The following TLCD4 variants were observed in gnomAD, a reference collection of about 807,000 sequenced individuals.
TLCD4 encodes TLC domain-containing protein 4.
Under a neutral mutation model 24.2 loss-of-function variants are expected in TLCD4, and 7 were observed. The ratio of observed to expected loss-of-function variants is 0.29; its 90% CI spans 0.16 to 0.54. TLCD4 has a LOEUF of 0.54. Among genes scored for constraint, TLCD4 ranks in the 20% least tolerant of loss-of-function variants. TLCD4 has a pLI of 0.95. For synonymous variants in TLCD4, 103 were observed against 106.4 expected (o/e 0.97, Z 0.20); for missense variants, 259 against 313.9 (o/e 0.82, Z 1.32).
At chr1:95,186,013 T>C (rs1473057752) in intron 6 of TLCD4, among the ~76,000 whole-genome samples, 1 of 152,164 alleles carries the variant, frequency 6.6e-6, no homozygotes, top group African/African-American at 2.4e-5. Context: ...TGGAGTGAAA[T>C]GAAAGGACTG....
Position 95,197,181 on chromosome 1 carries a change from A to T in TLCD4, c.*5313A>T, listed in dbSNP as rs1302119537. ...TAATTTATTTCCATAAGGCTGAAGA[A>T]CTTTTATTTACAAAATGTAAGACTA... On this transcript the variant is annotated 3_prime_UTR_variant, in exon 7 of 7. Coordinates refer to ENST00000370203, the MANE Select transcript of TLCD4 (RefSeq NM_152487.3). The T allele has an allele frequency of 6.6e-6, 1 of 152,182 alleles. No individual in the cohort carries two copies. The highest frequency in any genetic ancestry group is 1.9e-4 in the East Asian group (1 of 5,202). 9.4% of individuals were successfully genotyped at this position (152,182 alleles called of 1,614,324 possible). A position where few individuals can be genotyped will look rare whatever the true frequency, so the allele number is the denominator to read the frequency against.
chr1:95,152,146 T>C (rs545021942), intron 5 of TLCD4, among the ~76,000 whole-genome samples: 13 of 152,176 alleles, frequency 8.5e-5, no homozygotes, highest in Admixed American at 5.9e-4. Context: ...TCTTTTAAAG[T>C]GAATCTATTC....
intron 1 of TLCD4, among the ~76,000 whole-genome samples, chr1:95,129,732 A>G (rs1369749826): frequency 6.6e-6 from 1 of 152,162 alleles, no homozygotes; most frequent in Non-Finnish European, 1.5e-5. Flanking sequence ...ACAGAGTGAG[A>G]TTCTGTGTCA....
At position 95,164,970 on chromosome 1, in the gene TLCD4, A is replaced by G. The variant is rs969349717; in HGVS notation, c.400-8846A>G. 2.0e-5 allele frequency: 3 copies of G among 152,116 alleles called. No individual in the cohort carries two copies. The East Asian group carries it at 5.8e-4, about 29-fold the overall frequency. The allele number at this position is 152,116 out of a possible 1,614,324, so 9.4% of individuals were successfully genotyped here. ...CATATTTGAGTAGCTTCATATCCTC[A>G]AGGATACTACTCCATCTCTGCAACC... On this transcript the variant is annotated intron_variant, in intron 5 of 6. Coordinates refer to ENST00000370203, the MANE Select transcript of TLCD4 (RefSeq NM_152487.3).
At chr1:95,153,131 T>A (rs1452428103) in intron 5 of TLCD4, among the ~76,000 whole-genome samples, 1 of 151,978 alleles carries the variant, frequency 6.6e-6, no homozygotes, top group Non-Finnish European at 1.5e-5. Context: ...AGTGGTGTGA[T>A]CCTGGCTGGG....
chr1:95,123,910 A>G (rs1676639706), intron 1 of TLCD4, among the ~76,000 whole-genome samples: 1 of 152,220 alleles, frequency 6.6e-6, no homozygotes, highest in South Asian at 2.1e-4. Context: ...TCATTGGCAT[A>G]CTGCTTATTT....
chr1:95,099,567 T>C, the TLCD4 span, among the ~76,000 whole-genome samples: 2 of 152,210 alleles, frequency 1.3e-5, no homozygotes, highest in African/African-American at 2.4e-5. Flanking sequence ...ACTATTTTAT[T>C]ATTCATCCAA....
intron 1 of TLCD4, among the ~76,000 whole-genome samples, chr1:95,128,780 G>A (rs368084270): frequency 3.3e-5 from 5 of 152,182 alleles, no homozygotes; most frequent in East Asian, 1.9e-4. Flanking sequence ...GGGTGGCAGG[G>A]GAGCCTGGGA....
intron 5 of TLCD4, among the ~76,000 whole-genome samples, chr1:95,171,323 C>T (rs1377526086): frequency 6.6e-6 from 1 of 152,112 alleles, no homozygotes; most frequent in African/African-American, 2.4e-5. Flanking sequence ...CATTTTACCA[C>T]TGAAAATCCT....
At chr1:95,101,410 AGTGTGTGTGTGTGTGTGTGT>A in the TLCD4 span, among the ~76,000 whole-genome samples, 5 of 142,628 alleles carry the variant, frequency 3.5e-5, no homozygotes, top group South Asian at 4.8e-4. Flanking sequence ...GACTAATTAA[AGTGTGTGTGTGTGTGTGTGT>A]GTGTGTGTGT....
intron 6 of TLCD4, among the ~76,000 whole-genome samples, chr1:95,181,917 C>A (rs1374501905): frequency 6.6e-6 from 1 of 152,196 alleles, no homozygotes; most frequent in Non-Finnish European, 1.5e-5. Context: ...CCGCACCTGG[C>A]AGGCCTTCAA....
chr1:95,176,324 T>C (rs1678427580), intron 6 of TLCD4, among the ~76,000 whole-genome samples: 1 of 151,912 alleles, frequency 6.6e-6, no homozygotes, highest in Admixed American at 6.6e-5. Context: ...CTTGAGTAGC[T>C]AGAATTACAG....
intron 2 of TLCD4, among the ~76,000 whole-genome samples, chr1:95,146,273 A>G (rs1178947982): frequency 6.6e-6 from 1 of 152,190 alleles, no homozygotes; most frequent in Admixed American, 6.5e-5. Context: ...GAAAACGTGT[A>G]TACTTACAGG....
Position 95,191,965 on chromosome 1 carries a change from T to A in TLCD4, c.*97T>A, listed in dbSNP as rs917899926. The A allele has an allele frequency of 2.7e-6, 4 of 1,475,268 alleles. No homozygotes were observed. In the African/African-American group the frequency reaches 5.7e-5, roughly 21 times the overall value. The allele number at this position is 1,475,268 out of a possible 1,614,324, so 91.4% of individuals were successfully genotyped here. A position where few individuals can be genotyped will look rare whatever the true frequency, so the allele number is the denominator to read the frequency against. On this transcript the variant is annotated 3_prime_UTR_variant, in exon 7 of 7. Transcript: ENST00000370203. ...TCTTGTGTACCTTTCTTAATTATAA[T>A]TGTTATTCAGGATTTCAGTGTCATT...
At chr1:95,159,373 A>C (rs1677719004) in intron 5 of TLCD4, among the ~76,000 whole-genome samples, 1 of 152,044 alleles carries the variant, frequency 6.6e-6, no homozygotes, top group Non-Finnish European at 1.5e-5. Context: ...TTTTCTTGTA[A>C]ATTTGTTTAA....
intron 5 of TLCD4, among the ~76,000 whole-genome samples, chr1:95,167,738 C>A: frequency 6.6e-6 from 1 of 152,198 alleles, no homozygotes; most frequent in Non-Finnish European, 1.5e-5. Context: ...TTAAAAGAAC[C>A]TGCTCTCCAT....
At chr1:95,097,973 C>T in the TLCD4 span, among the ~76,000 whole-genome samples, 3 of 152,124 alleles carry the variant, frequency 2.0e-5, no homozygotes, top group Non-Finnish European at 4.4e-5. Flanking sequence ...TATATTCTTC[C>T]TTCAAATAGA....
At chr1:95,184,309 G>A (rs1268572365) in intron 6 of TLCD4, among the ~76,000 whole-genome samples, 1 of 151,574 alleles carries the variant, frequency 6.6e-6, no homozygotes, top group East Asian at 1.9e-4. Context: ...CAACAAACCA[G>A]TGCCATCAAG....
At chr1:95,108,793 C>T in the TLCD4 span, among the ~76,000 whole-genome samples, 3 of 152,144 alleles carry the variant, frequency 2.0e-5, no homozygotes, top group Non-Finnish European at 4.4e-5. Flanking sequence ...TTATTTGGGT[C>T]TATTTCTGGG....
Sources: gnomAD v4.1 joint callset for allele counts (sites outside exome capture counted in the v4.1 genomes callset) on GRCh38, gnomAD v4.1.1 for gene constraint, MANE v1.5 for transcripts, NCBI Gene and HGNC (gene_info 2026-07-23, HGNC 2026-07-21) for gene names.